Variants in CTSB observed in about 807,000 individuals in gnomAD.
CTSB encodes the protein APP secretase.
Under a neutral mutation model 44.3 loss-of-function variants are expected in CTSB, and 57 were observed. The ratio of observed to expected loss-of-function variants is 1.29; its 90% CI spans 1.04 to 1.60. CTSB has a LOEUF of 1.60. CTSB is among the 40% of genes most tolerant of loss of function. The probability of loss-of-function intolerance (pLI) is 0.00; values close to 1 mark genes in which losing one functional copy is unlikely to be tolerated. For synonymous variants in CTSB, 320 were observed against 168.0 expected, an observed-to-expected ratio of 1.91 and a Z score of -7.00; for missense variants, 768 against 443.0, an observed-to-expected ratio of 1.73 and a Z score of -6.59.
chr8:11,852,797 A>G, intron 2 of CTSB, 102 bp from the exon 3 acceptor site: 1 of 1,037,682 alleles, frequency 9.6e-7, no homozygotes, highest in Non-Finnish European at 1.4e-6. Flanking sequence ...CAGAGACCCT[A>G]CCCAATTCAA....
In CTSB at chr8:11,844,948, G is replaced by A; in HGVS notation, c.*177C>T. 1.2e-5 allele frequency: 7 copies of A among 607,506 alleles called. No homozygotes were observed. Among genetic ancestry groups the A allele is most frequent in the Non-Finnish European group, 2.1e-5 (7 of 339,386 alleles). The allele number at this position is 607,506 out of a possible 1,614,324, so 37.6% of individuals were successfully genotyped here. On this transcript the variant is annotated 3_prime_UTR_variant, in exon 10 of 10. Transcript: ENST00000353047. ...GTGGCTCACATGGCCTGTCTGCACT[G>A]TAACCACAGGCTGGGATGTAGCCAG... is the stretch of plus-strand genomic sequence containing the variant.
chr8:11,862,016 G>A (rs546095940), intron 1 of CTSB, among the ~76,000 whole-genome samples: 1 of 152,088 alleles, frequency 6.6e-6, no homozygotes, highest in African/African-American at 2.4e-5. Context: ...GACCATCCTG[G>A]ATAACACGGT....
chr8:11,851,690 G>C (rs541021831), intron 3 of CTSB, among the ~76,000 whole-genome samples: 7 of 152,072 alleles, frequency 4.6e-5, no homozygotes, highest in Middle Eastern at 3.4e-3. Context: ...AGGCAGTGTC[G>C]TGCAACTTAA....
At chr8:11,848,030 C>A (rs766006836) in intron 6 of CTSB, 37 bp downstream of exon 6, 1 of 1,520,128 alleles carries the variant, frequency 6.6e-7, no homozygotes. Flanking sequence ...CTCAAACAAT[C>A]CATCTGGCCA....
Position 11,847,147 on chromosome 8 carries a change from G to A in CTSB, c.698C>T (p.Ser233Phe). Residue 233 changes from serine to phenylalanine, a missense_variant, in exon 8 of 10, where the codon TCC becomes TTC. By Grantham distance (155) the Ser-to-Phe change is radical. Coordinates refer to ENST00000353047, the MANE Select transcript of CTSB (RefSeq NM_001908.5). ...GGCCATGATGTCCTTCTCGCTATTG[G>A]AGACGCTGTAGGAATTGTATCCTGG... The part of the protein sequence containing the change: ...KHYGYNSYSV[S>F]NSEKDIMAEI... The A allele has an allele frequency of 1.2e-6, 2 of 1,612,656 alleles. No individual in the cohort carries two copies. The highest frequency in any genetic ancestry group is 1.7e-6 in the Non-Finnish European group (2 of 1,178,762).
chr8:11,853,616 A>C (rs960326072), intron 1 of CTSB, 137 bp from the exon 2 acceptor site: 1 of 843,258 alleles, frequency 1.2e-6, no homozygotes, highest in East Asian at 2.9e-5. Flanking sequence ...TAAGGAGCTG[A>C]GGTGTCTATG....
At chr8:11,858,119 G>A (rs1002688626) in intron 1 of CTSB, among the ~76,000 whole-genome samples, 1 of 152,104 alleles carries the variant, frequency 6.6e-6, no homozygotes, top group Admixed American at 6.5e-5. Context: ...AGAATGAAAT[G>A]AGGAGGACCA....
At chr8:11,847,585 C>T (rs1278422504) in intron 7 of CTSB, 94 bp downstream of exon 7, 2 of 1,381,832 alleles carry the variant, frequency 1.4e-6, no homozygotes, top group Non-Finnish European at 1.9e-6. Flanking sequence ...GACCCCAAGG[C>T]TCCTCAGCCC....
intron 1 of CTSB, chr8:11,864,337 A>C (rs1337290590): frequency 6.6e-6 from 1 of 150,616 alleles, no homozygotes; most frequent in Non-Finnish European, 1.5e-5. Context: ...AAAAAAAAAA[A>C]AAAAAACCTG....
intron 1 of CTSB, among the ~76,000 whole-genome samples, chr8:11,859,850 G>A (rs935776892): frequency 4.0e-5 from 6 of 150,626 alleles, no homozygotes; most frequent in African/African-American, 1.2e-4. Context: ...TGAGGCAGGC[G>A]GATCACGAGG....
chr8:11,866,927 C>T (rs530833108), intron 1 of CTSB, among the ~76,000 whole-genome samples: 1 of 152,294 alleles, frequency 6.6e-6, no homozygotes, highest in Middle Eastern at 3.4e-3. Flanking sequence ...GCTATCCTCT[C>T]CTCCGGCAGC....
rs74455364 is a variant in CTSB, at chr8:11,844,015, G to A, written c.*1110C>T. 1,946 of 150,388 alleles carry A rather than the reference G, an allele frequency of 0.013. 44 individuals carry two copies. The highest frequency in any genetic ancestry group is 0.046 in the African/African-American group (1,817 of 39,872). The allele number at this position is 150,388 out of a possible 1,614,324, so 9.3% of individuals were successfully genotyped here. On this transcript the variant is annotated 3_prime_UTR_variant, in exon 10 of 10. Coordinates refer to ENST00000353047, the MANE Select transcript of CTSB (RefSeq NM_001908.5). Reference sequence around the variant, plus strand: ...GCCACTGCACTCCAGCCTGGGAGACGGAATCTCACTCTGTCAGTCACAACA... The same window carrying A: ...GCCACTGCACTCCAGCCTGGGAGACAGAATCTCACTCTGTCAGTCACAACA...
At position 11,844,894 on chromosome 8, in the gene CTSB, A is replaced by AG. The variant is rs1812968172; in HGVS notation, c.*230dup. The AG allele has an allele frequency of 1.3e-5, 7 of 546,994 alleles. No homozygotes were observed. The highest frequency in any genetic ancestry group is 3.1e-5 in the Admixed American group (1 of 32,402). 33.9% of individuals were successfully genotyped at this position (546,994 alleles called of 1,614,324 possible). A position where few individuals can be genotyped will look rare whatever the true frequency, so the allele number is the denominator to read the frequency against. On this transcript the variant is annotated 3_prime_UTR_variant, in exon 10 of 10. Transcript: ENST00000353047. ...GGTACTCCCTACGGCACTAGTCTAC[A>AG]GGGGGAAGGACGCTCTGTGCTGGCA... is the stretch of plus-strand genomic sequence containing the variant.
At chr8:11,846,946 T>C in intron 8 of CTSB, 106 bp downstream of exon 8, 6 of 730,134 alleles carry the variant, frequency 8.2e-6, no homozygotes, top group Admixed American at 1.8e-5. Flanking sequence ...CCCCAGCCCC[T>C]CACCTGCCTG....
intron 3 of CTSB, among the ~76,000 whole-genome samples, chr8:11,851,195 G>A (rs954504139): frequency 2.7e-5 from 4 of 148,918 alleles, no homozygotes; most frequent in African/African-American, 4.9e-5. Flanking sequence ...TGGGTGGGAC[G>A]GGAGGGTGGG....
chr8:11,849,374 G>A (rs777205624), intron 4 of CTSB: 23 of 390,212 alleles, frequency 5.9e-5, no homozygotes, highest in Non-Finnish European at 8.4e-5. Flanking sequence ...TTGAACTCCC[G>A]GGTTCAAGTG....
intron 6 of CTSB, 79 bp from the exon 7 acceptor site, chr8:11,847,901 G>A: frequency 3.5e-6 from 5 of 1,448,266 alleles, no homozygotes; most frequent in African/African-American, 3.3e-5. Flanking sequence ...CCTCGTGCCT[G>A]CAGCATGGAC....
In CTSB at chr8:11,844,615, T is replaced by C. The variant is rs983638938; in HGVS notation, c.*510A>G. On this transcript the variant is annotated 3_prime_UTR_variant, in exon 10 of 10. Coordinates refer to ENST00000353047, the MANE Select transcript of CTSB (RefSeq NM_001908.5). The stretch of plus-strand genomic sequence containing the variant: ...TTAAAGAATCATGCTGAGCACAAGA[T>C]CAGAGAGGTTGTGACATTGCAAACT... 8 of 154,230 alleles carry C rather than the reference T, an allele frequency of 5.2e-5. No homozygotes were observed. Among genetic ancestry groups the C allele is most frequent in the African/African-American group, 1.9e-4 (8 of 41,452 alleles). The allele number at this position is 154,230 out of a possible 1,614,324, so 9.6% of individuals were successfully genotyped here.
intron 1 of CTSB, among the ~76,000 whole-genome samples, chr8:11,865,852 C>CA (rs371697545): frequency 0.17 from 14,715 of 84,168 alleles, 934 homozygotes; most frequent in African/African-American, 0.22. Flanking sequence ...ACTAAAAATA[C>CA]AAAAAAAAAA....
Sources: gnomAD v4.1 joint callset for allele counts (sites outside exome capture counted in the v4.1 genomes callset) on GRCh38, gnomAD v4.1.1 for gene constraint, MANE v1.5 for transcripts, NCBI Gene and HGNC (gene_info 2026-07-23, HGNC 2026-07-21) for gene names.